DAB1: variants seen among roughly 807,000 people sequenced by gnomAD.
DAB1 encodes the protein DAB adaptor protein 1.
A neutral mutation model predicts 64.6 loss-of-function variants in DAB1; 15 were observed. The observed-to-expected ratio is 0.23, with a 90% CI of 0.16 to 0.36. DAB1 has a LOEUF of 0.36. Among genes scored for constraint, DAB1 ranks in the 10% least tolerant of loss-of-function variants. DAB1 has a pLI of 1.00. For missense variants in DAB1, 596 were observed against 706.7 expected (o/e 0.84, Z 1.78); for synonymous variants, 235 against 251.9 (o/e 0.93, Z 0.64).
At chr1:57,532,477 C>A (rs1644676326) in intron 7 of DAB1, among the ~76,000 whole-genome samples, 1 of 152,206 alleles carries the variant, frequency 6.6e-6, no homozygotes, top group African/African-American at 2.4e-5. Flanking sequence ...CATTTGGAAG[C>A]CATCTGAGGG....
At chr1:57,494,635 T>C (rs1018377395) in intron 7 of DAB1, among the ~76,000 whole-genome samples, 1 of 152,222 alleles carries the variant, frequency 6.6e-6, no homozygotes, top group Non-Finnish European at 1.5e-5. Flanking sequence ...GGCAAACATC[T>C]TTTATCATTT....
chr1:57,758,698 A>T (rs1485357345), intron 6 of DAB1, among the ~76,000 whole-genome samples: 1 of 152,162 alleles, frequency 6.6e-6, no homozygotes, highest in African/African-American at 2.4e-5. Context: ...AGAAATTCAC[A>T]ATCAAAATTT....
In DAB1 at chr1:57,053,688, A is replaced by ATATATATTTT. The variant is rs1447741565; in HGVS notation, c.723+9195_723+9196insAAAATATATA. 6.6e-3 allele frequency among the ~76,000 whole-genome samples: 474 copies of ATATATATTTT among 71,364 alleles called. 10 individuals are homozygous for ATATATATTTT. Among genetic ancestry groups the ATATATATTTT allele is most frequent in the African/African-American group, 0.018 (329 of 18,296 alleles). The allele number at this position is 71,364 out of a possible 152,430, so 46.8% of individuals were successfully genotyped here. A position where few individuals can be genotyped will look rare whatever the true frequency, so the allele number is the denominator to read the frequency against. On this transcript the variant is annotated intron_variant, in intron 9 of 14. Coordinates refer to ENST00000371236, the MANE Select transcript of DAB1 (RefSeq NM_001365792.1). ...TATGTATATATATATATATATATAT[A>ATATATATTTT]TTTTTTTTTTTTTTTTTGAGACGGA... is the stretch of plus-strand genomic sequence containing the variant.
At chr1:57,226,668 A>AAAG (rs1332194797) in intron 2 of DAB1, among the ~76,000 whole-genome samples, 23 of 118,866 alleles carry the variant, frequency 1.9e-4, no homozygotes, top group African/African-American at 9.3e-4. Flanking sequence ...GTGGTTAAAA[A>AAAG]AAAAATATAT....
chr1:57,871,623 T>C (rs1281205767), intron 1 of DAB1, among the ~76,000 whole-genome samples: 1 of 152,186 alleles, frequency 6.6e-6, no homozygotes. Context: ...CTAACCCTTC[T>C]GGTTTATAAG....
chr1:57,780,790 G>A (rs1409812436), intron 6 of DAB1, among the ~76,000 whole-genome samples: 1 of 140,282 alleles, frequency 7.1e-6, no homozygotes, highest in African/African-American at 2.7e-5. Flanking sequence ...GTCTCACTCT[G>A]TTGCCCAGGC....
At chr1:57,826,636 C>T (rs1467953033) in intron 1 of DAB1, among the ~76,000 whole-genome samples, 1 of 152,114 alleles carries the variant, frequency 6.6e-6, no homozygotes, top group African/African-American at 2.4e-5. Context: ...GAAGGTGAAG[C>T]GATACAGCAA....
At chr1:57,654,822 C>T (rs558367680) in intron 6 of DAB1, among the ~76,000 whole-genome samples, 91 of 152,238 alleles carry the variant, frequency 6.0e-4, no homozygotes, top group Middle Eastern at 3.4e-3. Flanking sequence ...TTTCCCTTTA[C>T]GGTAAGTGCT....
intron 3 of DAB1, among the ~76,000 whole-genome samples, chr1:58,408,568 A>G (rs980438976): frequency 2.0e-5 from 3 of 152,180 alleles, no homozygotes; most frequent in African/African-American, 7.2e-5. Flanking sequence ...TAAGTGGAAG[A>G]TCTGATTGGT....
chr1:58,021,016 C>T (rs1646807814), intron 5 of DAB1, among the ~76,000 whole-genome samples: 1 of 152,104 alleles, frequency 6.6e-6, no homozygotes, highest in African/African-American at 2.4e-5. Context: ...GCGCCCCGCA[C>T]CCAAAAAGAA....
chr1:58,251,125 A>G (rs763043230), intron 4 of DAB1, among the ~76,000 whole-genome samples: 1 of 152,208 alleles, frequency 6.6e-6, no homozygotes, highest in Non-Finnish European at 1.5e-5. Flanking sequence ...ATCACATGAG[A>G]CAAGCACAGA....
At chr1:58,245,510 G>A (rs1439383146) in intron 4 of DAB1, among the ~76,000 whole-genome samples, 4 of 152,148 alleles carry the variant, frequency 2.6e-5, no homozygotes, top group Admixed American at 2.6e-4. Flanking sequence ...CAAATATAGG[G>A]CATATGAAGC....
chr1:58,544,433 T>C (rs568892230), intron 1 of DAB1, among the ~76,000 whole-genome samples: 147 of 152,306 alleles, frequency 9.7e-4, no homozygotes, highest in Non-Finnish European at 1.5e-3. Flanking sequence ...TGAAAAAAGA[T>C]ACACCAAACT....
At chr1:57,623,226 G>A (rs543508616) in intron 7 of DAB1, among the ~76,000 whole-genome samples, 7 of 152,178 alleles carry the variant, frequency 4.6e-5, no homozygotes, top group African/African-American at 1.7e-4. Flanking sequence ...GGCCACAGGC[G>A]GTGAGATCTT....
intron 2 of DAB1, among the ~76,000 whole-genome samples, chr1:57,226,401 A>C (rs1667258503): frequency 6.6e-6 from 1 of 152,002 alleles, no homozygotes; most frequent in Admixed American, 6.6e-5. Context: ...CCAGTTTCTC[A>C]GCCCCAAGCC....
chr1:58,366,582 T>A (rs1408042447), intron 3 of DAB1, among the ~76,000 whole-genome samples: 1 of 152,208 alleles, frequency 6.6e-6, no homozygotes, highest in Non-Finnish European at 1.5e-5. Context: ...TAGGAGTGGA[T>A]GTATTTCCCA....
intron 2 of DAB1, among the ~76,000 whole-genome samples, chr1:57,236,591 A>C (rs988945127): frequency 6.6e-6 from 1 of 152,206 alleles, no homozygotes; most frequent in East Asian, 1.9e-4. Context: ...TGGGACAGGG[A>C]TGACACAGGA....
intron 1 of DAB1, among the ~76,000 whole-genome samples, chr1:57,326,897 C>T (rs1454416065): frequency 6.6e-6 from 1 of 151,964 alleles, no homozygotes; most frequent in Non-Finnish European, 1.5e-5. Context: ...CACAAACCCA[C>T]AGTGCTGTTC....
chr1:57,689,650 C>A (rs1282779127), intron 6 of DAB1, among the ~76,000 whole-genome samples: 1 of 152,054 alleles, frequency 6.6e-6, no homozygotes, highest in Admixed American at 6.6e-5. Flanking sequence ...ACAGTAGGTA[C>A]ATAAATTTAT....
Sources: allele counts gnomAD v4.1 joint callset (sites outside exome capture counted in the v4.1 genomes callset), GRCh38; gene constraint gnomAD v4.1.1; transcripts MANE v1.5; gene names NCBI Gene and HGNC (gene_info 2026-07-23, HGNC 2026-07-21).